ZHX2: variants seen among roughly 807,000 people sequenced by gnomAD.
ZHX2 encodes zinc fingers and homeoboxes protein 2.
ZHX2 carries 6 observed loss-of-function variants against 21.9 expected under a neutral mutation model. The ratio of observed to expected loss-of-function variants is 0.27; its 90% CI spans 0.15 to 0.54. The LOEUF (loss-of-function observed/expected upper bound fraction) is 0.54, where lower values mean the gene tolerates loss of function less well. Ranked by LOEUF, ZHX2 falls within the 20% of genes least tolerant of loss-of-function variation. The pLI, the probability that ZHX2 is intolerant of heterozygous loss-of-function variation, is 0.95. For missense variants in ZHX2, 908 were observed against 1,090.7 expected (o/e 0.83, Z 2.36); for synonymous variants, 434 against 437.1 (o/e 0.99, Z 0.09).
chr8:122,953,241 C>T lies in ZHX2; in HGVS notation c.1731C>T (p.Phe577=), dbSNP rs774600465. 48 of 1,613,858 alleles carry T rather than the reference C, an allele frequency of 3.0e-5. No individual in the cohort carries two copies. Among genetic ancestry groups the T allele is most frequent in the Non-Finnish European group, 3.4e-6 (4 of 1,180,012 alleles). The part of the protein sequence containing the change: ...KLSRREIDSW[F]SERRKLRDSM... ...GCAGGAGAGAGATCGACTCCTGGTTCTCGGAGAGGCGGAAGCTTCGAGACA... is the reference window on the plus strand; with the variant it reads ...GCAGGAGAGAGATCGACTCCTGGTTTTCGGAGAGGCGGAAGCTTCGAGACA... The change falls in exon 3 of 4, where the codon TTC becomes TTT. Residue 577 remains phenylalanine, a synonymous_variant. Coordinates refer to ENST00000314393, the MANE Select transcript of ZHX2 (RefSeq NM_014943.5). This position sits in a 1 kb window ranked among gnomAD's most constrained non-coding sequence, Gnocchi z 4.6.
At chr8:122,877,670 G>T (rs1369578426) in intron 2 of ZHX2, among the ~76,000 whole-genome samples, 1 of 152,172 alleles carries the variant, frequency 6.6e-6, no homozygotes, top group East Asian at 1.9e-4. Flanking sequence ...CGGGAACCTC[G>T]CTGGGGAGGC....
At chr8:122,906,089 A>G (rs1820340774) in intron 2 of ZHX2, among the ~76,000 whole-genome samples, 1 of 152,330 alleles carries the variant, frequency 6.6e-6, no homozygotes, top group East Asian at 1.9e-4. Context: ...CCCAATTTCA[A>G]TATTGGATTA....
chr8:122,782,804 C>A lies in ZHX2; in HGVS notation c.-283+858C>A, dbSNP rs1473739314. Among the ~76,000 whole-genome samples, 1 of 152,162 alleles carries A rather than the reference C, an allele frequency of 6.6e-6. No individual in the cohort carries two copies. Among genetic ancestry groups the A allele is most frequent in the Non-Finnish European group, 1.5e-5 (1 of 68,008 alleles). On this transcript the variant is annotated intron_variant, in intron 1 of 3. Transcript: ENST00000314393. The surrounding 1 kb of genome is among the most constrained non-coding windows in gnomAD (Gnocchi z 5.3). Reference sequence around the variant, plus strand: ...CCAGCTGGCCGGAGCCTCTGCCAGCCCGAGCCCACGTTCGCCCCCCTGAAC... The same window carrying A: ...CCAGCTGGCCGGAGCCTCTGCCAGCACGAGCCCACGTTCGCCCCCCTGAAC...
rs781493386 is a variant in ZHX2 at position 122,953,515 on chromosome 8, C to T, written c.2005C>T (p.Arg669Ter). The change falls in exon 3 of 4, where the codon CGA (arginine) becomes TGA (stop). Residue 669 changes from arginine to a stop codon, truncating the protein, a stop_gained. Transcript: ENST00000314393. LOFTEE classifies it low-confidence loss of function (END_TRUNC). This position sits in a 1 kb window ranked among gnomAD's most constrained non-coding sequence, Gnocchi z 4.6. ...GTTAGCGGCCAAGACTGGCCTGGTC[C>T]GAACTGAGATTGTGCGTTGGTTCAA... ...DQLAAKTGLVRTEIVRWFKEN... is the reference protein window; with the variant it reads ...DQLAAKTGLV 1 of 1,614,204 alleles carries T rather than the reference C, an allele frequency of 6.2e-7. No individual in the cohort carries two copies. Among genetic ancestry groups the T allele is most frequent in the South Asian group, 1.1e-5 (1 of 91,080 alleles).
At chr8:122,785,345 T>C (rs1200446784) in intron 1 of ZHX2, among the ~76,000 whole-genome samples, 2 of 152,160 alleles carry the variant, frequency 1.3e-5, no homozygotes, top group Non-Finnish European at 2.9e-5. Flanking sequence ...AGCTGTACCA[T>C]TGGGAACCCA....
At chr8:122,868,789 G>T (rs1819362542) in intron 2 of ZHX2, among the ~76,000 whole-genome samples, 1 of 151,752 alleles carries the variant, frequency 6.6e-6, no homozygotes, top group Non-Finnish European at 1.5e-5. Context: ...GAGACAAGAA[G>T]ATCAAGGTTG....
chr8:122,945,331 G>A (rs182817302), intron 2 of ZHX2, among the ~76,000 whole-genome samples: 192 of 149,124 alleles, frequency 1.3e-3, no homozygotes, highest in African/African-American at 4.6e-3. Context: ...GATGGAAGAA[G>A]CACCTTGTGG....
At chr8:122,955,970 G>T (rs960439654) in intron 3 of ZHX2, among the ~76,000 whole-genome samples, 9 of 149,360 alleles carry the variant, frequency 6.0e-5, no homozygotes, top group African/African-American at 2.0e-4. Context: ...TCAGCCTCCC[G>T]AGTAGCTGGG....
intron 2 of ZHX2, among the ~76,000 whole-genome samples, chr8:122,869,493 C>T (rs185798733): frequency 1.7e-4 from 26 of 152,252 alleles, no homozygotes; most frequent in Middle Eastern, 6.8e-3. Context: ...AGACTCTTCC[C>T]GCCTGAGGAT....
intron 1 of ZHX2, among the ~76,000 whole-genome samples, chr8:122,850,179 C>T (rs1275340065): frequency 6.6e-6 from 1 of 152,170 alleles, no homozygotes; most frequent in Non-Finnish European, 1.5e-5. Context: ...AAATAGATCT[C>T]CAACCCAACC....
intron 1 of ZHX2, among the ~76,000 whole-genome samples, chr8:122,812,975 C>T (rs1397587447): frequency 6.6e-6 from 1 of 152,142 alleles, no homozygotes; most frequent in Non-Finnish European, 1.5e-5. Flanking sequence ...GCAGGCGGTT[C>T]ACCTGAGGTC....
At chr8:122,887,842 G>T (rs1212645099) in intron 2 of ZHX2, among the ~76,000 whole-genome samples, 1 of 151,524 alleles carries the variant, frequency 6.6e-6, no homozygotes, top group Non-Finnish European at 1.5e-5. Flanking sequence ...CCACCCCCAT[G>T]TCTGAGTCTC....
At chr8:122,833,345 T>C (rs1818420228) in intron 1 of ZHX2, among the ~76,000 whole-genome samples, 1 of 152,142 alleles carries the variant, frequency 6.6e-6, no homozygotes, top group African/African-American at 2.4e-5. Context: ...AGTAGGCGAC[T>C]GGTGAGGAGG....
intron 1 of ZHX2, among the ~76,000 whole-genome samples, chr8:122,784,095 T>TTGA (rs1021273752): frequency 1.2e-4 from 19 of 152,094 alleles, no homozygotes; most frequent in African/African-American, 4.6e-4. Context: ...CCACTGTTTG[T>TTGA]TGGCACTGAA....
At chr8:122,919,696 T>G (rs1820690434) in intron 2 of ZHX2, among the ~76,000 whole-genome samples, 1 of 152,192 alleles carries the variant, frequency 6.6e-6, no homozygotes, top group East Asian at 1.9e-4. Context: ...AATGGTAGCA[T>G]CCCGTTTTGC....
intron 1 of ZHX2, among the ~76,000 whole-genome samples, chr8:122,803,607 A>G (rs544107462): frequency 5.3e-5 from 8 of 152,354 alleles, no homozygotes; most frequent in Admixed American, 4.6e-4. Flanking sequence ...AGATTTTGTC[A>G]AATGTGCCCT....
At chr8:122,874,489 A>G (rs1819517979) in intron 2 of ZHX2, among the ~76,000 whole-genome samples, 1 of 142,374 alleles carries the variant, frequency 7.0e-6, no homozygotes, top group African/African-American at 2.4e-5. Context: ...ATGCACCACC[A>G]CGCCCAGCTA....
intron 2 of ZHX2, among the ~76,000 whole-genome samples, chr8:122,904,464 T>A (rs1820300916): frequency 6.6e-6 from 1 of 152,146 alleles, no homozygotes; most frequent in East Asian, 1.9e-4. Flanking sequence ...TAACCTGGCC[T>A]TATCCACTCC....
intron 2 of ZHX2, among the ~76,000 whole-genome samples, chr8:122,893,454 A>T (rs555552393): frequency 6.6e-6 from 1 of 152,226 alleles, no homozygotes; most frequent in East Asian, 1.9e-4. Flanking sequence ...CTATACTGTG[A>T]ATATTTCACT....
Sources: allele counts gnomAD v4.1 joint callset (sites outside exome capture counted in the v4.1 genomes callset), GRCh38; gene constraint gnomAD v4.1.1; non-coding constraint Gnocchi (gnomAD v3.1); transcripts MANE v1.5; gene names NCBI Gene and HGNC (gene_info 2026-07-23, HGNC 2026-07-21).